The following ATRN variants were observed in gnomAD, a reference collection of about 807,000 sequenced individuals.
ATRN encodes the protein attractin.
In ATRN, 54 loss-of-function variants were observed where a neutral mutation model predicts 178.7. The observed-to-expected ratio is 0.30, with a 90% CI of 0.24 to 0.38. The LOEUF (loss-of-function observed/expected upper bound fraction) is 0.38. Ranked by LOEUF, ATRN falls within the 10% of genes least tolerant of loss-of-function variation. The probability of loss-of-function intolerance (pLI) is 1.00; values close to 1 mark genes in which losing one functional copy is unlikely to be tolerated. For missense variants in ATRN, 1,443 were observed against 1,815.1 expected, an observed-to-expected ratio of 0.79 and a Z score of 3.73; for synonymous variants, 636 against 663.0, an observed-to-expected ratio of 0.96 and a Z score of 0.63.
intron 16 of ATRN, among the ~76,000 whole-genome samples, chr20:3,583,540 G>C (rs541536544): frequency 6.6e-6 from 1 of 152,286 alleles, no homozygotes; most frequent in South Asian, 2.1e-4. Flanking sequence ...TGGGCACAGT[G>C]GCTCACGCCT....
intron 3 of ATRN, among the ~76,000 whole-genome samples, chr20:3,542,801 ATTT>A (rs35265454): frequency 1.6e-3 from 213 of 130,466 alleles, no homozygotes; most frequent in African/African-American, 4.9e-3. Context: ...TAATTTTTGT[ATTT>A]TTTTTTTTTT....
chr20:3,626,386 G>A (rs148158149), intron 25 of ATRN, among the ~76,000 whole-genome samples: 188 of 131,596 alleles, frequency 1.4e-3, no homozygotes, highest in African/African-American at 5.6e-3. Context: ...TATGGGATCC[G>A]TTTTCTCTCT....
intron 1 of ATRN, among the ~76,000 whole-genome samples, chr20:3,504,364 A>G (rs1440755712): frequency 6.6e-6 from 1 of 151,936 alleles, no homozygotes; most frequent in Admixed American, 6.6e-5. Context: ...AAAAATAGAA[A>G]TATGGGTACA....
At chr20:3,482,935 C>G (rs2084641718) in intron 1 of ATRN, among the ~76,000 whole-genome samples, 1 of 152,164 alleles carries the variant, frequency 6.6e-6, no homozygotes, top group African/African-American at 2.4e-5. Flanking sequence ...TTTGTACTTG[C>G]AACCTGGTTT....
chr20:3,523,112 T>G (rs2146152359), intron 1 of ATRN, among the ~76,000 whole-genome samples: 1 of 151,566 alleles, frequency 6.6e-6, no homozygotes, highest in Admixed American at 6.6e-5. Flanking sequence ...AATAACAAAC[T>G]CCTCCAAGCT....
intron 1 of ATRN, among the ~76,000 whole-genome samples, chr20:3,532,983 C>T (rs533448344): frequency 3.3e-5 from 5 of 152,206 alleles, no homozygotes; most frequent in South Asian, 2.1e-4. Context: ...AGGATGGTCT[C>T]GATCTCCTGA....
chr20:3,616,778 G>C (rs1249265257), intron 24 of ATRN, among the ~76,000 whole-genome samples: 1 of 152,098 alleles, frequency 6.6e-6, no homozygotes, highest in Non-Finnish European at 1.5e-5. Flanking sequence ...AGTCCTGGGA[G>C]GACTTAGGAG....
intron 1 of ATRN, among the ~76,000 whole-genome samples, chr20:3,475,593 T>C (rs2084515227): frequency 1.3e-5 from 2 of 152,184 alleles, no homozygotes; most frequent in Non-Finnish European, 2.9e-5. Context: ...TCAGTGATCA[T>C]TTTTTTCTAC....
At chr20:3,624,659 G>T (rs536906133) in intron 25 of ATRN, 87 bp downstream of exon 25, 11 of 1,108,884 alleles carry the variant, frequency 9.9e-6, no homozygotes, top group Non-Finnish European at 1.3e-5. Context: ...AAGATAAAAA[G>T]AATAATCCTG....
At chr20:3,640,574 A>G (rs2087060091) in intron 27 of ATRN, among the ~76,000 whole-genome samples, 2 of 152,272 alleles carry the variant, frequency 1.3e-5, no homozygotes, top group African/African-American at 2.4e-5. Context: ...ATGAAATTGT[A>G]TAACTCCAAA....
chr20:3,641,183 G>T (rs923345847), intron 27 of ATRN, among the ~76,000 whole-genome samples: 20 of 152,146 alleles, frequency 1.3e-4, no homozygotes, highest in Admixed American at 1.0e-3. Flanking sequence ...TCTGGAGATG[G>T]ATAGTAATGA....
intron 22 of ATRN, among the ~76,000 whole-genome samples, chr20:3,599,403 T>C (rs2086575222): frequency 6.6e-6 from 1 of 152,190 alleles, no homozygotes; most frequent in Admixed American, 6.5e-5. Flanking sequence ...ATGAAAGTAT[T>C]TGGACCTTTC....
chr20:3,543,742 T>C (rs77098603), intron 3 of ATRN, among the ~76,000 whole-genome samples: 2 of 136,764 alleles, frequency 1.5e-5, no homozygotes, highest in Admixed American at 7.3e-5. Flanking sequence ...AAAAAAAAAA[T>C]GAATGAAGGG....
At chr20:3,560,594 G>A (rs2085937378) in intron 7 of ATRN, 68 bp from the exon 8 acceptor site, 1 of 1,319,156 alleles carries the variant, frequency 7.6e-7, no homozygotes, top group East Asian at 2.5e-5. Flanking sequence ...TTGAGCTTTT[G>A]TTCTTCTCTG....
intron 15 of ATRN, among the ~76,000 whole-genome samples, chr20:3,581,592 A>G (rs897202317): frequency 2.0e-5 from 3 of 152,104 alleles, no homozygotes; most frequent in Non-Finnish European, 4.4e-5. Flanking sequence ...CTGGAAATCC[A>G]AAATGCTCTA....
chr20:3,512,684 C>T (rs1462233976), intron 1 of ATRN, among the ~76,000 whole-genome samples: 17 of 152,224 alleles, frequency 1.1e-4, no homozygotes, highest in Non-Finnish European at 8.8e-5. Flanking sequence ...AATCGCCACA[C>T]TGACTTCCAC....
intron 27 of ATRN, among the ~76,000 whole-genome samples, chr20:3,643,269 T>G (rs2146327841): frequency 6.6e-6 from 1 of 152,356 alleles, no homozygotes; most frequent in South Asian, 2.1e-4. Flanking sequence ...GACCTGTCTC[T>G]CTCGGCAGAG....
chr20:3,644,590 C>G (rs2087093626), intron 28 of ATRN, among the ~76,000 whole-genome samples: 1 of 152,198 alleles, frequency 6.6e-6, no homozygotes, highest in Non-Finnish European at 1.5e-5. Context: ...CTCTGCTGCT[C>G]TTTCCCTGTC....
Position 3,554,996 on chromosome 20 carries a change from T to C in ATRN, c.1113-4397T>C, listed in dbSNP as rs1335914463. On this transcript the variant is annotated intron_variant, in intron 6 of 28. Coordinates refer to ENST00000262919, the MANE Select transcript of ATRN (RefSeq NM_139321.3). Reference sequence around the variant, plus strand: ...ACCAAGTGTGACCTGACCTCTTTTTTTTTTTTTTTTTTTTTTTTTTTTTTG... The same window carrying C: ...ACCAAGTGTGACCTGACCTCTTTTTCTTTTTTTTTTTTTTTTTTTTTTTTG... 6.5e-5 allele frequency among the ~76,000 whole-genome samples: 7 copies of C among 107,214 alleles called. 1 individual carries two copies. The East Asian group carries it at 1.8e-3, about 27-fold the overall frequency. 70.3% of individuals were successfully genotyped at this position (107,214 alleles called of 152,430 possible).
Sources: allele counts gnomAD v4.1 joint callset (sites outside exome capture counted in the v4.1 genomes callset), GRCh38; gene constraint gnomAD v4.1.1; transcripts MANE v1.5; gene names NCBI Gene and HGNC (gene_info 2026-07-23, HGNC 2026-07-21).